The following LRRC63 variants were observed in gnomAD, a reference collection of about 807,000 sequenced individuals.
LRRC63 encodes leucine-rich repeat-containing protein 63.
Under a neutral mutation model 49.5 loss-of-function variants are expected in LRRC63, and 40 were observed. That is an observed-to-expected ratio of 0.81 (90% confidence interval 0.63 to 1.05). The LOEUF is 1.05. Among genes scored for constraint, LRRC63 ranks in the 50% least tolerant of loss-of-function variants. The probability of loss-of-function intolerance (pLI) is 0.00; values close to 1 mark genes in which losing one functional copy is unlikely to be tolerated. For synonymous variants in LRRC63, 191 were observed against 221.1 expected (o/e 0.86, Z 1.21); for missense variants, 636 against 663.1 (o/e 0.96, Z 0.45).
At chr13:46,228,797 A>G in intron 4 of LRRC63, 64 bp downstream of exon 4, 1 of 1,154,238 alleles carries the variant, frequency 8.7e-7, no homozygotes, top group Non-Finnish European at 1.3e-6. Flanking sequence ...TTAAAAAATT[A>G]TGGGTGATTT....
intron 6 of LRRC63, among the ~76,000 whole-genome samples, chr13:46,248,351 A>G (rs1444798408): frequency 6.6e-6 from 1 of 151,978 alleles, no homozygotes; most frequent in East Asian, 1.9e-4. Flanking sequence ...AAAATTATAC[A>G]AGTTCTTATA....
intron 2 of LRRC63, 66 bp downstream of exon 2, chr13:46,213,185 C>T: frequency 9.4e-7 from 1 of 1,067,628 alleles, no homozygotes; most frequent in South Asian, 1.5e-5. Context: ...CCTTGACTTG[C>T]ACAGCTCAGA....
At chr13:46,270,268 A>C (rs765313209) in intron 9 of LRRC63, 10 of 878,390 alleles carry the variant, frequency 1.1e-5, no homozygotes, top group Non-Finnish European at 2.0e-5. Flanking sequence ...AAACAATTAA[A>C]AGCATTCCCT....
intron 5 of LRRC63, among the ~76,000 whole-genome samples, chr13:46,236,716 CAAAGTCTTAAGAAGAA>C (rs1415619212): frequency 6.6e-6 from 1 of 152,058 alleles, no homozygotes; most frequent in Non-Finnish European, 1.5e-5. Flanking sequence ...GACAGCAACT[CAAAGTCTTAAGAAGAA>C]ATAAAGAACT....
intron 7 of LRRC63, among the ~76,000 whole-genome samples, chr13:46,258,339 C>T (rs1430320707): frequency 6.7e-6 from 1 of 150,158 alleles, no homozygotes; most frequent in African/African-American, 2.4e-5. Flanking sequence ...CCATATTGGC[C>T]AGGCTGGTCT....
chr13:46,212,111 A>G (rs2138325504), exon 1 of LRRC63: 1 of 152,394 alleles, frequency 6.6e-6, no homozygotes, highest in East Asian at 1.9e-4. Context: ...GTTGGTTTGG[A>G]AAGCGGCCGA....
At chr13:46,218,964 G>C (rs2046330626) in intron 2 of LRRC63, among the ~76,000 whole-genome samples, 1 of 152,188 alleles carries the variant, frequency 6.6e-6, no homozygotes, top group Admixed American at 6.5e-5. Context: ...TTTCTGCAGA[G>C]AGATCCGCTG....
At chr13:46,232,634 G>A (rs1031282855) in intron 4 of LRRC63, among the ~76,000 whole-genome samples, 1 of 152,000 alleles carries the variant, frequency 6.6e-6, no homozygotes, top group African/African-American at 2.4e-5. Flanking sequence ...AACCTAACAC[G>A]TTGAGAGAAA....
chr13:46,232,322 G>T (rs990239851), intron 4 of LRRC63, among the ~76,000 whole-genome samples: 1 of 152,170 alleles, frequency 6.6e-6, no homozygotes, highest in African/African-American at 2.4e-5. Flanking sequence ...AAACTCCAAG[G>T]TTGCTAGCTA....
intron 6 of LRRC63, among the ~76,000 whole-genome samples, chr13:46,249,605 T>C (rs1398312154): frequency 6.6e-6 from 1 of 151,838 alleles, no homozygotes; most frequent in Non-Finnish European, 1.5e-5. Flanking sequence ...AAAAATTATA[T>C]AGAAATGCAA....
intron 2 of LRRC63, among the ~76,000 whole-genome samples, 164 bp from the exon 3 acceptor site, chr13:46,227,348 C>G (rs898363564): frequency 3.9e-5 from 6 of 152,106 alleles, no homozygotes; most frequent in African/African-American, 9.7e-5. Context: ...AAACTTTATA[C>G]CAGTCATGTC....
chr13:46,222,353 G>T (rs2046431179), intron 2 of LRRC63, among the ~76,000 whole-genome samples: 1 of 152,124 alleles, frequency 6.6e-6, no homozygotes, highest in Non-Finnish European at 1.5e-5. Context: ...GTGTCCAGGA[G>T]AGTTTTACCT....
intron 5 of LRRC63, among the ~76,000 whole-genome samples, chr13:46,246,196 A>C (rs541419532): frequency 6.6e-6 from 1 of 152,312 alleles, no homozygotes; most frequent in Non-Finnish European, 1.5e-5. Context: ...GAAGCTGAGC[A>C]GATGCTGCCA....
chr13:46,228,257 G>T (rs919605560), intron 3 of LRRC63, 68 bp downstream of exon 3: 2 of 1,221,682 alleles, frequency 1.6e-6, no homozygotes, highest in Non-Finnish European at 1.1e-6. Context: ...AGGCATGCAA[G>T]CTAATGGTAC....
chr13:46,212,875 G>A (rs757163836), intron 1 of LRRC63, 127 bp from the exon 2 acceptor site: 20 of 502,600 alleles, frequency 4.0e-5, no homozygotes, highest in Non-Finnish European at 6.6e-5. Flanking sequence ...TTTTCATAAA[G>A]GAATTCTGCC....
At chr13:46,258,343 C>G (rs1391500807) in intron 7 of LRRC63, among the ~76,000 whole-genome samples, 1 of 149,908 alleles carries the variant, frequency 6.7e-6, no homozygotes, top group Non-Finnish European at 1.5e-5. Flanking sequence ...ATTGGCCAGG[C>G]TGGTCTTGAA....
chr13:46,259,556 AG>A (rs1317861235), intron 7 of LRRC63, among the ~76,000 whole-genome samples: 1 of 152,230 alleles, frequency 6.6e-6, no homozygotes, highest in African/African-American at 2.4e-5. Flanking sequence ...TGGAACAAAA[AG>A]AACCGAACAG....
chr13:46,249,537 A>G (rs1388451055), intron 6 of LRRC63, among the ~76,000 whole-genome samples: 1 of 151,890 alleles, frequency 6.6e-6, no homozygotes, highest in Non-Finnish European at 1.5e-5. Flanking sequence ...TGAAATGAAC[A>G]CATTCCTACA....
At chr13:46,234,989 A>T (rs1044313032) in intron 5 of LRRC63, among the ~76,000 whole-genome samples, 1 of 152,306 alleles carries the variant, frequency 6.6e-6, no homozygotes, top group Admixed American at 6.5e-5. Context: ...CAGAGAGTTT[A>T]TTTGAAAAAT....
Sources: gnomAD v4.1 joint callset for allele counts (sites outside exome capture counted in the v4.1 genomes callset) on GRCh38, gnomAD v4.1.1 for gene constraint, MANE v1.5 for transcripts, NCBI Gene and HGNC (gene_info 2026-07-23, HGNC 2026-07-21) for gene names.